MYT1L: variants seen among roughly 807,000 people sequenced by gnomAD.
MYT1L encodes the protein myelin transcription factor 1-like protein.
Under a neutral mutation model 126.7 loss-of-function variants are expected in MYT1L, and 12 were observed. The observed-to-expected ratio is 0.09, with a 90% CI of 0.06 to 0.15. MYT1L has a LOEUF of 0.15. MYT1L is among the 10% of genes least tolerant of loss of function. The pLI is 1.00. For missense variants in MYT1L, 979 were observed against 1,585.2 expected, an observed-to-expected ratio of 0.62 and a Z score of 6.49; for synonymous variants, 541 against 604.2, an observed-to-expected ratio of 0.90 and a Z score of 1.53.
chr2:2,252,670 G>A (rs1346388324), intron 2 of MYT1L, among the ~76,000 whole-genome samples: 1 of 152,188 alleles, frequency 6.6e-6, no homozygotes, highest in East Asian at 1.9e-4. Context: ...GGAGGGCCCG[G>A]CATGCAAAGC....
chr2:2,047,069 C>T (rs946476604), intron 4 of MYT1L, among the ~76,000 whole-genome samples: 1 of 151,954 alleles, frequency 6.6e-6, no homozygotes, highest in East Asian at 1.9e-4. Context: ...CTACGTTTAC[C>T]CATTTATGCT....
chr2:2,243,899 C>T (rs1411028521), intron 2 of MYT1L, among the ~76,000 whole-genome samples: 1 of 152,160 alleles, frequency 6.6e-6, no homozygotes, highest in Non-Finnish European at 1.5e-5. Flanking sequence ...AATGTTCACC[C>T]TAATTGGCAA....
chr2:2,124,772 G>A (rs1054621694), intron 3 of MYT1L, among the ~76,000 whole-genome samples: 55 of 152,250 alleles, frequency 3.6e-4, no homozygotes, highest in African/African-American at 1.1e-3. Flanking sequence ...GGGTGGTCCC[G>A]ACACAAAGGC....
At chr2:1,831,218 C>T (rs183097910) in intron 21 of MYT1L, among the ~76,000 whole-genome samples, 505 of 149,808 alleles carry the variant, frequency 3.4e-3, no homozygotes, top group African/African-American at 0.011. Flanking sequence ...CCCTGGCTCC[C>T]CCCAGATGGA....
chr2:2,033,903 T>G (rs1456310395), intron 4 of MYT1L, among the ~76,000 whole-genome samples: 2 of 152,162 alleles, frequency 1.3e-5, no homozygotes, highest in African/African-American at 4.8e-5. Context: ...CAGGTGCATT[T>G]CACTCTAGAG....
intron 4 of MYT1L, among the ~76,000 whole-genome samples, chr2:2,040,006 G>C (rs754614702): frequency 1.1e-4 from 17 of 152,150 alleles, no homozygotes; most frequent in Non-Finnish European, 2.4e-4. Context: ...AGGTGTATGC[G>C]TGAGGGCCTG....
intron 3 of MYT1L, among the ~76,000 whole-genome samples, chr2:2,103,931 ACTCAGCC>A (rs2078425382): frequency 6.6e-6 from 1 of 152,184 alleles, no homozygotes; most frequent in Non-Finnish European, 1.5e-5. Flanking sequence ...GGCAAGCTCT[ACTCAGCC>A]CTCTCAGGAG....
chr2:2,068,769 G>GTT lies in MYT1L; in HGVS notation c.-303-14648_-303-14647dup, dbSNP rs55838351. Among the ~76,000 whole-genome samples, 133 of 26,176 alleles carry GTT rather than the reference G, an allele frequency of 5.1e-3. 27 individuals carry two copies. Among genetic ancestry groups the GTT allele is most frequent in the East Asian group, 7.8e-3 (4 of 512 alleles). The allele number at this position is 26,176 out of a possible 152,430, so 17.2% of individuals were successfully genotyped here. A position where few individuals can be genotyped will look rare whatever the true frequency, so the allele number is the denominator to read the frequency against. Reference sequence around the variant, plus strand: ...GGACACAGACACCTGTGTTCTTCTTGTTTTTTTTTTTTTTTTTTTTTTTTT... The same window carrying GTT: ...GGACACAGACACCTGTGTTCTTCTTGTTTTTTTTTTTTTTTTTTTTTTTTTTT... On this transcript the variant is annotated intron_variant, in intron 3 of 24. Transcript: ENST00000647738.
chr2:1,895,758 CT>C (rs1484757145), intron 14 of MYT1L, among the ~76,000 whole-genome samples: 1 of 152,158 alleles, frequency 6.6e-6, no homozygotes, highest in East Asian at 1.9e-4. Context: ...AGGAAATACC[CT>C]TTTCAACACT....
At chr2:1,823,221 G>A (rs981251797) in intron 21 of MYT1L, among the ~76,000 whole-genome samples, 2 of 152,198 alleles carry the variant, frequency 1.3e-5, no homozygotes, top group Admixed American at 1.3e-4. Flanking sequence ...ACCCAGCAGG[G>A]GCACCCAGCT....
chr2:1,863,535 T>C (rs896916549), intron 18 of MYT1L, among the ~76,000 whole-genome samples: 1 of 139,272 alleles, frequency 7.2e-6, no homozygotes, highest in Non-Finnish European at 1.6e-5. Flanking sequence ...ACAGCCACGC[T>C]TGCAGAGTAC....
At chr2:2,150,429 GC>G (rs1410616943) in intron 3 of MYT1L, among the ~76,000 whole-genome samples, 1 of 152,056 alleles carries the variant, frequency 6.6e-6, no homozygotes, top group East Asian at 1.9e-4. Context: ...TCCATCTACT[GC>G]AGTAAGTTAC....
At chr2:2,301,777 C>T (rs117510501) in intron 1 of MYT1L, among the ~76,000 whole-genome samples, 3,283 of 147,154 alleles carry the variant, frequency 0.022, 311 homozygotes, top group Admixed American at 0.17. Flanking sequence ...CAGTGAGCTA[C>T]GTTTGCATCA....
At chr2:1,961,363 T>G (rs955661464) in intron 8 of MYT1L, among the ~76,000 whole-genome samples, 1 of 152,214 alleles carries the variant, frequency 6.6e-6, no homozygotes, top group Non-Finnish European at 1.5e-5. Flanking sequence ...TCCAGCCCAC[T>G]ATTTACCCAC....
chr2:1,981,920 T>C (rs2060642634), intron 5 of MYT1L, among the ~76,000 whole-genome samples: 1 of 152,166 alleles, frequency 6.6e-6, no homozygotes, highest in Non-Finnish European at 1.5e-5. Context: ...TTTAAAAAAC[T>C]TTCTGATGGA....
chr2:2,244,104 C>T (rs887746070), intron 2 of MYT1L, among the ~76,000 whole-genome samples: 2 of 152,130 alleles, frequency 1.3e-5, no homozygotes, highest in Non-Finnish European at 2.9e-5. Context: ...ATGTTCACTC[C>T]CATAGGAAAA....
At chr2:2,026,627 G>A (rs2065615749) in intron 4 of MYT1L, among the ~76,000 whole-genome samples, 1 of 152,212 alleles carries the variant, frequency 6.6e-6, no homozygotes, top group Admixed American at 6.5e-5. Flanking sequence ...GGTGGAGGTT[G>A]TTCTGCAGGT....
At chr2:2,316,321 C>T (rs192470559) in intron 1 of MYT1L, among the ~76,000 whole-genome samples, 12 of 152,288 alleles carry the variant, frequency 7.9e-5, no homozygotes, top group East Asian at 3.9e-4. Context: ...TTTGTACCCA[C>T]GAGTTCTTGC....
chr2:2,153,385 T>C (rs1019269657), intron 3 of MYT1L, among the ~76,000 whole-genome samples: 2 of 152,228 alleles, frequency 1.3e-5, no homozygotes, highest in African/African-American at 4.8e-5. Flanking sequence ...GGGAAACAGA[T>C]ACCACCTGGG....
Sources: gnomAD v4.1 joint callset for allele counts (sites outside exome capture counted in the v4.1 genomes callset) on GRCh38, gnomAD v4.1.1 for gene constraint, MANE v1.5 for transcripts, NCBI Gene and HGNC (gene_info 2026-07-23, HGNC 2026-07-21) for gene names.